SYNDIG1: variants seen among roughly 807,000 people sequenced by gnomAD.
SYNDIG1 encodes synapse differentiation-inducing gene protein 1.
SYNDIG1 carries 9 observed loss-of-function variants against 19.4 expected under a neutral mutation model. The observed-to-expected ratio is 0.46, with a 90% CI of 0.28 to 0.81. The LOEUF (loss-of-function observed/expected upper bound fraction) is 0.81, where lower values mean the gene tolerates loss of function less well. SYNDIG1 is among the 30% of genes least tolerant of loss of function. The pLI is 0.12. For synonymous variants in SYNDIG1, 141 were observed against 145.9 expected (o/e 0.97, Z 0.24); for missense variants, 311 against 343.3 (o/e 0.91, Z 0.74).
chr20:24,508,218 ATTTTTTTTT>A (rs34436263), intron 1 of SYNDIG1, among the ~76,000 whole-genome samples: 14 of 73,208 alleles, frequency 1.9e-4, no homozygotes, highest in African/African-American at 3.0e-4. Context: ...AAGGAGGATA[ATTTTTTTTT>A]TTTTTTTTTT....
At position 24,658,457 on chromosome 20, in the gene SYNDIG1, A is replaced by T. The variant is rs1182983856; in HGVS notation, c.619-6889A>T. Among the ~76,000 whole-genome samples, 1 of 152,062 alleles carries T rather than the reference A, an allele frequency of 6.6e-6. No individual in the cohort carries two copies. Among genetic ancestry groups the T allele is most frequent in the East Asian group, 1.9e-4 (1 of 5,164 alleles). The stretch of plus-strand genomic sequence containing the variant: ...CAGGCCGTGGACCCCTGAAGTGGAC[A>T]GGCGCTCTGGCCGTACCCTGGGGGG... On this transcript the variant is annotated intron_variant, in intron 3 of 3. Transcript: ENST00000376862. This position sits in a 1 kb window ranked among gnomAD's most constrained non-coding sequence, Gnocchi z 4.4.
At chr20:24,546,256 A>G (rs6138319) in intron 2 of SYNDIG1, among the ~76,000 whole-genome samples, 85,392 of 152,162 alleles carry the variant, frequency 0.56, 24,537 homozygotes, top group Middle Eastern at 0.71. Flanking sequence ...AACATGCAGT[A>G]GCTGTTCTTT....
rs903273025 is a variant in SYNDIG1 at position 24,624,501 on chromosome 20, C to T, written c.618+39508C>T. Among the ~76,000 whole-genome samples, 4 of 152,258 alleles carry T rather than the reference C, an allele frequency of 2.6e-5. No homozygotes were observed. In the South Asian group the frequency reaches 8.3e-4, roughly 32 times the overall value. On this transcript the variant is annotated intron_variant, in intron 3 of 3. Transcript: ENST00000376862. ...GGTTCGATTATCTAAGAAGATACAA[C>T]AGTCCTAAACATGTGTGCTCCTAAC... is the stretch of plus-strand genomic sequence containing the variant.
At chr20:24,564,698 A>G (rs2058009349) in intron 2 of SYNDIG1, among the ~76,000 whole-genome samples, 1 of 152,186 alleles carries the variant, frequency 6.6e-6, no homozygotes, top group South Asian at 2.1e-4. Flanking sequence ...CGTGGCTGGC[A>G]CTCTGATTCA....
At chr20:24,497,010 C>T (rs1470830420) in intron 1 of SYNDIG1, among the ~76,000 whole-genome samples, 4 of 152,094 alleles carry the variant, frequency 2.6e-5, no homozygotes, top group African/African-American at 7.2e-5. Flanking sequence ...GTACTAATAC[C>T]ATTTGCTTAA....
intron 3 of SYNDIG1, among the ~76,000 whole-genome samples, chr20:24,603,422 G>GT (rs2058708234): frequency 6.6e-6 from 1 of 152,120 alleles, no homozygotes; most frequent in South Asian, 2.1e-4. Flanking sequence ...GTGCCCATAG[G>GT]TGAGAGCTGT....
At chr20:24,633,634 G>A (rs2059280688) in intron 3 of SYNDIG1, among the ~76,000 whole-genome samples, 1 of 152,204 alleles carries the variant, frequency 6.6e-6, no homozygotes, top group South Asian at 2.1e-4. Flanking sequence ...TGGACCAGCA[G>A]CATCAGGGTC....
intron 3 of SYNDIG1, among the ~76,000 whole-genome samples, chr20:24,620,865 C>G (rs1196753801): frequency 1.3e-5 from 2 of 152,200 alleles, no homozygotes; most frequent in East Asian, 3.8e-4. Context: ...AACAAAATCT[C>G]TTTGACCTAA....
chr20:24,629,963 T>A (rs898583269), intron 3 of SYNDIG1, among the ~76,000 whole-genome samples: 1 of 152,118 alleles, frequency 6.6e-6, no homozygotes, highest in Admixed American at 6.6e-5. Flanking sequence ...ATTCTATACT[T>A]TGAGGTCATG....
chr20:24,477,286 G>A (rs761715307), intron 1 of SYNDIG1, among the ~76,000 whole-genome samples: 3 of 152,066 alleles, frequency 2.0e-5, no homozygotes, highest in Admixed American at 1.3e-4. Context: ...TGGCCCTACC[G>A]TCTCACCATT....
chr20:24,662,454 G>A (rs745547058), intron 3 of SYNDIG1, among the ~76,000 whole-genome samples: 5 of 152,112 alleles, frequency 3.3e-5, no homozygotes, highest in Non-Finnish European at 5.9e-5. Flanking sequence ...CAGGTTGCAG[G>A]ACATCTCCCT....
intron 1 of SYNDIG1, among the ~76,000 whole-genome samples, chr20:24,498,806 C>T (rs1198671849): frequency 6.6e-6 from 1 of 152,128 alleles, no homozygotes; most frequent in African/African-American, 2.4e-5. Flanking sequence ...TTTTTCCCTT[C>T]ATTTGCCTAT....
At chr20:24,551,016 GGCT>G in intron 2 of SYNDIG1, among the ~76,000 whole-genome samples, 1 of 152,162 alleles carries the variant, frequency 6.6e-6, no homozygotes, top group South Asian at 2.1e-4. Flanking sequence ...AGGTAATATT[GGCT>G]GCATAGAATA....
At chr20:24,569,701 G>A (rs1429657018) in intron 2 of SYNDIG1, among the ~76,000 whole-genome samples, 1 of 152,156 alleles carries the variant, frequency 6.6e-6, no homozygotes, top group Non-Finnish European at 1.5e-5. Flanking sequence ...AGAAAAAAGT[G>A]CAAACAAATA....
At chr20:24,510,122 C>T (rs2056704812) in intron 1 of SYNDIG1, among the ~76,000 whole-genome samples, 1 of 152,216 alleles carries the variant, frequency 6.6e-6, no homozygotes, top group Non-Finnish European at 1.5e-5. Context: ...GCTTCCTGTA[C>T]AGGCTGCAAA....
chr20:24,636,646 G>A (rs142270913), intron 3 of SYNDIG1, among the ~76,000 whole-genome samples: 2 of 152,302 alleles, frequency 1.3e-5, no homozygotes, highest in Non-Finnish European at 2.9e-5. Context: ...AGGAGATGAT[G>A]GAGTGCCATG....
intron 1 of SYNDIG1, among the ~76,000 whole-genome samples, chr20:24,542,180 A>G (rs375464735): frequency 0.24 from 3,177 of 13,278 alleles, 44 homozygotes; most frequent in African/African-American, 0.34. Context: ...ATTCACTTCA[A>G]TAAGAAAAAA....
At chr20:24,618,533 A>G (rs9305139) in intron 3 of SYNDIG1, among the ~76,000 whole-genome samples, 5,555 of 152,258 alleles carry the variant, frequency 0.036, 313 homozygotes, top group African/African-American at 0.12. Flanking sequence ...TATTCTGCCA[A>G]CCCAAAGGGG....
At chr20:24,612,911 C>T (rs563584054) in intron 3 of SYNDIG1, among the ~76,000 whole-genome samples, 66 of 152,338 alleles carry the variant, frequency 4.3e-4, no homozygotes, top group African/African-American at 1.5e-3. Flanking sequence ...ACATGCTGAG[C>T]GCTTCCATGT....
Sources: gnomAD v4.1 joint callset for allele counts (sites outside exome capture counted in the v4.1 genomes callset) on GRCh38, gnomAD v4.1.1 for gene constraint, Gnocchi (gnomAD v3.1) non-coding constraint, MANE v1.5 for transcripts, NCBI Gene and HGNC (gene_info 2026-07-23, HGNC 2026-07-21) for gene names.